PAX5: variants seen among roughly 807,000 people sequenced by gnomAD.
PAX5 encodes the protein paired box protein Pax-5.
A neutral mutation model predicts 43.7 loss-of-function variants in PAX5; 9 were observed. That is an observed-to-expected ratio of 0.21 (90% CI 0.12 to 0.36). The LOEUF (loss-of-function observed/expected upper bound fraction) is 0.36. Ranked by LOEUF, PAX5 falls within the 10% of genes least tolerant of loss-of-function variation. The pLI, the probability that PAX5 is intolerant of heterozygous loss-of-function variation, is 1.00. For synonymous variants in PAX5, 228 were observed against 214.3 expected, an observed-to-expected ratio of 1.06 and a Z score of -0.56; for missense variants, 383 against 532.7, an observed-to-expected ratio of 0.72 and a Z score of 2.77.
chr9:37,034,244 G>A lies in PAX5; in HGVS notation c.-213C>T. 1.8e-6 allele frequency: 1 copy of A among 562,292 alleles called. No individual in the cohort carries two copies. 34.8% of individuals were successfully genotyped at this position (562,292 alleles called of 1,614,324 possible). A position where few individuals can be genotyped will look rare whatever the true frequency, so the allele number is the denominator to read the frequency against. ...TTTAGGTGGAAAAAAAGCGTCCGAA[G>A]GCACCGTGAAATGATTAAGGAACTA... On this transcript the variant is annotated 5_prime_UTR_variant, in exon 1 of 10. Coordinates refer to ENST00000358127, the MANE Select transcript of PAX5 (RefSeq NM_016734.3).
chr9:37,012,185 C>A (rs1159899853), intron 3 of PAX5, among the ~76,000 whole-genome samples: 1 of 152,220 alleles, frequency 6.6e-6, no homozygotes, highest in African/African-American at 2.4e-5. Flanking sequence ...ACGGGCAGCC[C>A]GCGAGGATCT....
At chr9:36,977,967 A>G (rs7043368) in intron 5 of PAX5, among the ~76,000 whole-genome samples, 115,084 of 152,190 alleles carry the variant, frequency 0.76, 43,639 homozygotes, top group South Asian at 0.89. Context: ...GGGGAAAGGG[A>G]GTGAAGTGTG....
chr9:36,871,397 C>T (rs889550691), intron 8 of PAX5, among the ~76,000 whole-genome samples: 5 of 152,160 alleles, frequency 3.3e-5, no homozygotes, highest in Admixed American at 6.5e-5. Context: ...GGGCTGTGTA[C>T]GTCCAGGCTC....
chr9:36,860,416 G>A (rs899539906), intron 8 of PAX5, among the ~76,000 whole-genome samples: 2 of 152,102 alleles, frequency 1.3e-5, no homozygotes, highest in Non-Finnish European at 2.9e-5. Flanking sequence ...CAGGGAGCTC[G>A]GAGTAAGCGG....
intron 6 of PAX5, among the ~76,000 whole-genome samples, chr9:36,938,968 C>T (rs1831797131): frequency 6.6e-6 from 1 of 152,202 alleles, no homozygotes; most frequent in Admixed American, 6.5e-5. Flanking sequence ...AGCGGATGAT[C>T]CATATATCAG....
In PAX5 at chr9:36,923,502, G is replaced by C. The variant is rs2131969710; in HGVS notation, c.781-18C>G. 1 of 1,600,738 alleles carries C rather than the reference G, an allele frequency of 6.2e-7. No individual in the cohort carries two copies. Among genetic ancestry groups the C allele is most frequent in the African/African-American group, 1.3e-5 (1 of 74,978 alleles). On this transcript the variant is annotated intron_variant, in intron 6 of 9. Coordinates refer to ENST00000358127, the MANE Select transcript of PAX5 (RefSeq NM_016734.3). ...TCTGTGGTCTGAAAGAAGAAACAGA[G>C]ACGTCTCAGCACCAAGACTCCACAG...
Position 36,973,140 on chromosome 9 carries a change from G to GAAAGGAAAGGAAAGGAAAGGAAAGA in PAX5, c.605-6417_605-6416insTCTTTCCTTTCCTTTCCTTTCCTTT, listed in dbSNP as rs1835108048. ...GAAAGGAAAGGAAAGGAAAGAAAAGGAAAGGAAAGGAAAGGAAAGGAAAGG... is the reference window on the plus strand; with the variant it reads ...GAAAGGAAAGGAAAGGAAAGAAAAGGAAAGGAAAGGAAAGGAAAGGAAAGAAAAGGAAAGGAAAGGAAAGGAAAGG... On this transcript the variant is annotated intron_variant, in intron 5 of 9. Transcript: ENST00000358127. Among the ~76,000 whole-genome samples the GAAAGGAAAGGAAAGGAAAGGAAAGA allele has an allele frequency of 7.2e-5, 5 of 69,644 alleles. No homozygotes were observed. The East Asian group carries it at 2.1e-3, about 29-fold the overall frequency. The allele number at this position is 69,644 out of a possible 152,430, so 45.7% of individuals were successfully genotyped here.
intron 1 of PAX5, among the ~76,000 whole-genome samples, chr9:37,028,273 G>A (rs1477253523): frequency 6.6e-6 from 1 of 152,290 alleles, no homozygotes; most frequent in African/African-American, 2.4e-5. Context: ...GCAGAGTGGG[G>A]TTAACTAGAT....
chr9:36,950,161 A>G (rs1832879805), intron 6 of PAX5, among the ~76,000 whole-genome samples: 1 of 152,212 alleles, frequency 6.6e-6, no homozygotes, highest in African/African-American at 2.4e-5. Context: ...AACTACTGTA[A>G]CCAACAGGTA....
chr9:36,853,202 A>G (rs1823333762), intron 8 of PAX5, among the ~76,000 whole-genome samples: 1 of 151,170 alleles, frequency 6.6e-6, no homozygotes, highest in Non-Finnish European at 1.5e-5. Flanking sequence ...CATACAATTA[A>G]CTGAAGTTCA....
chr9:36,855,461 C>T (rs971881170), intron 8 of PAX5, among the ~76,000 whole-genome samples: 1 of 152,120 alleles, frequency 6.6e-6, no homozygotes, highest in African/African-American at 2.4e-5. Flanking sequence ...AAAATTCTGT[C>T]CTGTCCTGCC....
chr9:37,020,896 C>A (rs1839791588), intron 1 of PAX5, 95 bp from the exon 2 acceptor site: 2 of 1,331,264 alleles, frequency 1.5e-6, no homozygotes, highest in South Asian at 1.3e-5. Flanking sequence ...CCCCTCTGAT[C>A]ACAAATGGCC....
chr9:37,026,859 C>A (rs1840435041), intron 1 of PAX5: 1 of 342,002 alleles, frequency 2.9e-6, no homozygotes, highest in Non-Finnish European at 4.1e-6. Context: ...CCGGGCCCAG[C>A]CCGGGGTAGC....
chr9:36,862,010 G>A (rs990580168), intron 8 of PAX5, among the ~76,000 whole-genome samples: 3 of 152,144 alleles, frequency 2.0e-5, no homozygotes, highest in African/African-American at 7.2e-5. Context: ...GAAGGGCCAG[G>A]CCATGTGGCT....
intron 6 of PAX5, among the ~76,000 whole-genome samples, chr9:36,960,181 G>T (rs1833840807): frequency 6.6e-6 from 1 of 152,224 alleles, no homozygotes. Flanking sequence ...TTAGAAACAG[G>T]CTGAAAGAAT....
At chr9:36,912,816 G>C (rs528358027) in intron 7 of PAX5, among the ~76,000 whole-genome samples, 1 of 152,106 alleles carries the variant, frequency 6.6e-6, no homozygotes, top group Non-Finnish European at 1.5e-5. Context: ...ACACCCCTTC[G>C]GTGGCTCTTA....
At chr9:36,859,910 C>A (rs1238325856) in intron 8 of PAX5, among the ~76,000 whole-genome samples, 1 of 152,022 alleles carries the variant, frequency 6.6e-6, no homozygotes, top group East Asian at 1.9e-4. Context: ...TGGTGGGCAC[C>A]TGTAGTCCCA....
intron 6 of PAX5, among the ~76,000 whole-genome samples, chr9:36,944,292 C>T (rs1260388829): frequency 3.3e-5 from 5 of 152,194 alleles, no homozygotes; most frequent in African/African-American, 1.2e-4. Flanking sequence ...TCATTGAAAC[C>T]TCTAACAGCC....
intron 7 of PAX5, among the ~76,000 whole-genome samples, chr9:36,909,711 AG>A (rs1426223185): frequency 6.6e-6 from 1 of 151,396 alleles, no homozygotes; most frequent in Non-Finnish European, 1.5e-5. Context: ...CTTTAGCTAC[AG>A]GGGGCAACCA....
Sources: gnomAD v4.1 joint callset for allele counts (sites outside exome capture counted in the v4.1 genomes callset) on GRCh38, gnomAD v4.1.1 for gene constraint, MANE v1.5 for transcripts, NCBI Gene and HGNC (gene_info 2026-07-23, HGNC 2026-07-21) for gene names.